LMNTD2: variants seen among roughly 807,000 people sequenced by gnomAD.
LMNTD2 encodes lamin tail domain containing 2.
Under a neutral mutation model 70.1 loss-of-function variants are expected in LMNTD2, and 83 were observed. The ratio of observed to expected loss-of-function variants is 1.18; its 90% CI spans 0.99 to 1.42. The LOEUF is 1.42. LMNTD2 is among the 40% of genes most tolerant of loss of function. LMNTD2 has a pLI of 0.00. For synonymous variants in LMNTD2, 534 were observed against 406.1 expected, an observed-to-expected ratio of 1.31 and a Z score of -3.79; for missense variants, 1,153 against 905.9, an observed-to-expected ratio of 1.27 and a Z score of -3.50.
At chr11:555,170 A>AGAGGAGGAGAGGGGAGGGGC in intron 13 of LMNTD2, 59 bp from the exon 14 acceptor site, 1 of 202,116 alleles carries the variant, frequency 4.9e-6, no homozygotes, top group South Asian at 2.2e-4. Flanking sequence ...AGGGGAGGGG[A>AGAGGAGGAGAGGGGAGGGGC]GGGGAGGAGA....
chr11:558,785 C>T lies in LMNTD2; in HGVS notation c.159-19G>A. ...AGCCAACCTGCAGCGGCAGCAGACC[C>T]TGCTGCTTACTCAGGCCGGCCCCTG... On this transcript the variant is annotated intron_variant, in intron 2 of 13. Coordinates refer to ENST00000329451, the MANE Select transcript of LMNTD2 (RefSeq NM_173573.3). The T allele has an allele frequency of 6.2e-7, 1 of 1,601,110 alleles. No homozygotes were observed. Among genetic ancestry groups the T allele is most frequent in the Non-Finnish European group, 8.5e-7 (1 of 1,170,970 alleles).
chr11:557,065 CCT>C lies in LMNTD2; in HGVS notation c.744_745del (p.Gly249GlufsTer33), dbSNP rs749638605. On this transcript the variant is annotated frameshift_variant, in exon 8 of 14. Coordinates refer to ENST00000329451, the MANE Select transcript of LMNTD2 (RefSeq NM_173573.3). LOFTEE classifies it high-confidence loss of function. ...ATGCTTTCCAGAGGACTCTGGGCTC[CCT>C]GTGTCCAGCTGTGGCCAGGGCCGGG... 2.4e-5 allele frequency: 39 copies of C among 1,606,228 alleles called. No homozygotes were observed. The highest frequency in any genetic ancestry group is 8.4e-5 in the Admixed American group (5 of 59,540).
Position 555,314 on chromosome 11 carries a change from G to A in LMNTD2, c.1764C>T (p.His588=). The change falls in exon 13 of 14, where the codon CAC becomes CAT. Residue 588 remains histidine (H), a synonymous_variant. Coordinates refer to ENST00000329451, the MANE Select transcript of LMNTD2 (RefSeq NM_173573.3). Reference sequence around the variant, plus strand: ...GCAAGCGCGCACTCACCCGAACTCGGTGTTCTTTCTGGAGCCGACAGTCCT... The same window carrying A: ...GCAAGCGCGCACTCACCCGAACTCGATGTTCTTTCTGGAGCCGACAGTCCT... ...GLEDCRLQKE[H]RVRVCRKSVD... 7.0e-7 allele frequency: 1 copy of A among 1,419,084 alleles called. No individual in the cohort carries two copies. Among genetic ancestry groups the A allele is most frequent in the African/African-American group, 1.5e-5 (1 of 66,518 alleles). 87.9% of individuals were successfully genotyped at this position (1,419,084 alleles called of 1,614,324 possible). A position where few individuals can be genotyped will look rare whatever the true frequency, so the allele number is the denominator to read the frequency against.
rs767282735 is a variant in LMNTD2 at position 556,031 on chromosome 11, C to G, written c.1342G>C (p.Gly448Arg). The G allele has an allele frequency of 3.2e-6, 5 of 1,556,608 alleles. No homozygotes were observed. Among genetic ancestry groups the G allele is most frequent in the Admixed American group, 3.6e-5 (2 of 55,422 alleles). Residue 448 changes from glycine to arginine, a missense_variant, in exon 11 of 14, where the codon GGC becomes CGC. Transcript: ENST00000329451. ...REPVPLLSIR[G>R]CATLLLSPKG... ...GGGCTCAGGAGCAGCGTCGCGCAGC[C>G]GCGGATGGAGAGGAGGGGAACGGGC...
chr11:555,353 G>A lies in LMNTD2; in HGVS notation c.1725C>T (p.Ala575=). Residue 575 remains alanine, a synonymous_variant, in exon 13 of 14, where the codon GCC becomes GCT. Coordinates refer to ENST00000329451, the MANE Select transcript of LMNTD2 (RefSeq NM_173573.3). ...GCCGACAGTCCTCCAGGCCCAGCCC[G>A]GCCTCTGCGGGAGGCGACGGCAGGG... ...DPTLPSPPAE[A]GLGLEDCRLQ... is the part of the protein sequence containing the mutation. 1 of 1,422,864 alleles carries A rather than the reference G, an allele frequency of 7.0e-7. No individual in the cohort carries two copies. Among genetic ancestry groups the A allele is most frequent in the Non-Finnish European group, 9.2e-7 (1 of 1,091,418 alleles). 88.1% of individuals were successfully genotyped at this position (1,422,864 alleles called of 1,614,324 possible).
chr11:556,078 A>C lies in LMNTD2; in HGVS notation c.1295T>G (p.Leu432Arg). 6.5e-7 allele frequency: 1 copy of C among 1,541,376 alleles called. No homozygotes were observed. The highest frequency in any genetic ancestry group is 2.6e-5 in the East Asian group (1 of 37,838). Residue 432 changes from leucine to arginine, a missense_variant, in exon 11 of 14, where the codon CTG becomes CGG. Leu to Arg is a moderately radical substitution (Grantham distance 102). Transcript: ENST00000329451. Reference sequence around the variant, plus strand: ...GGGCTCCCGGCTCGAGGACGCGCGCAGCGGCTTCTTGGCGCTGCGGGTCGC... The same window carrying C: ...GGGCTCCCGGCTCGAGGACGCGCGCCGCGGCTTCTTGGCGCTGCGGGTCGC... ...GEATRSAKKP[L>R]RASSSREPVP...
chr11:555,893 G>A lies in LMNTD2; in HGVS notation c.1415C>T (p.Pro472Leu), dbSNP rs754499209. The change falls in exon 12 of 14, where the codon CCG (proline) becomes CTG (leucine). Residue 472 changes from proline to leucine, a missense_variant. Transcript: ENST00000329451. ...GCCGTCGGCGAAGACCCTCGGGGCCGGAGTCTCGCGGCGTGGGATCCGGTG... is the reference window on the plus strand; with the variant it reads ...GCCGTCGGCGAAGACCCTCGGGGCCAGAGTCTCGCGGCGTGGGATCCGGTG... Reference protein sequence around the residue: ...SEHRIPRRETPAPRVFADGTD... With the variant: ...SEHRIPRRETLAPRVFADGTD... 15 of 1,566,208 alleles carry A rather than the reference G, an allele frequency of 9.6e-6. No individual in the cohort carries two copies. The Admixed American group carries it at 2.6e-4, about 27-fold the overall frequency.
chr11:558,318 G>T, intron 3 of LMNTD2, 70 bp from the exon 4 acceptor site: 1 of 1,518,912 alleles, frequency 6.6e-7, no homozygotes, highest in Non-Finnish European at 9.0e-7. Flanking sequence ...GGTCAGTGGC[G>T]AAGGAGGGGA....
At position 560,735 on chromosome 11, in the gene LMNTD2, A is replaced by G; in HGVS notation, c.-19T>C. On this transcript the variant is annotated 5_prime_UTR_variant, in exon 1 of 14. Coordinates refer to ENST00000329451, the MANE Select transcript of LMNTD2 (RefSeq NM_173573.3). ...ACCGCATTTCCGCGTTTTTCGCGGT[A>G]GGCGGGAGGTGGGGGCGGGGACTGC... The G allele has an allele frequency of 7.2e-7, 1 of 1,391,422 alleles. No homozygotes were observed. Among genetic ancestry groups the G allele is most frequent in the Non-Finnish European group, 9.4e-7 (1 of 1,063,970 alleles). The allele number at this position is 1,391,422 out of a possible 1,614,324, so 86.2% of individuals were successfully genotyped here.
rs1393110605 is a variant in LMNTD2, at chr11:555,042, T to G, written c.1843A>C (p.Arg615=). ...ALSVQNTAES[R]FGFRFLSCLP... Reference sequence around the variant, plus strand: ...CAGCTGAGGAAGCGGAAGCCGAATCTGCTCTCCGCCGTGTTCTGCACCGAC... The same window carrying G: ...CAGCTGAGGAAGCGGAAGCCGAATCGGCTCTCCGCCGTGTTCTGCACCGAC... The change falls in exon 14 of 14, where the codon AGA becomes CGA. Residue 615 remains arginine (R), a synonymous_variant. Transcript: ENST00000329451. 6.3e-7 allele frequency: 1 copy of G among 1,593,440 alleles called. No individual in the cohort carries two copies. The highest frequency in any genetic ancestry group is 8.5e-7 in the Non-Finnish European group (1 of 1,173,102).
In LMNTD2 at chr11:555,018, A is replaced by T. The variant is rs1211481748; in HGVS notation, c.1867T>A (p.Cys623Ser). Residue 623 changes from cysteine to serine, a missense_variant, in exon 14 of 14, where the codon TGC (cysteine) becomes AGC (serine). Physicochemically the swap from Cys to Ser is moderately radical, Grantham distance 112. Coordinates refer to ENST00000329451, the MANE Select transcript of LMNTD2 (RefSeq NM_173573.3). ...ESRFGFRFLS[C>S]LPVTADTCRG... Reference sequence around the variant, plus strand: ...CAGGTGTCCGCGGTGACCGGCAGGCAGCTGAGGAAGCGGAAGCCGAATCTG... The same window carrying T: ...CAGGTGTCCGCGGTGACCGGCAGGCTGCTGAGGAAGCGGAAGCCGAATCTG... The T allele has an allele frequency of 6.3e-7, 1 of 1,592,146 alleles. No individual in the cohort carries two copies. Among genetic ancestry groups the T allele is most frequent in the African/African-American group, 1.4e-5 (1 of 72,176 alleles).
In LMNTD2 at chr11:556,589, C is replaced by T. The variant is rs763361454; in HGVS notation, c.977-1G>A. 6.6e-7 allele frequency: 1 copy of T among 1,526,020 alleles called. No individual in the cohort carries two copies. Among genetic ancestry groups the T allele is most frequent in the Non-Finnish European group, 8.8e-7 (1 of 1,137,334 alleles). 94.5% of individuals were successfully genotyped at this position (1,526,020 alleles called of 1,614,324 possible). A position where few individuals can be genotyped will look rare whatever the true frequency, so the allele number is the denominator to read the frequency against. ...CTGGGTGAGTGGGTTTTCTGGAGAT[C>T]TAGAGAGAGCAGCGCTTTTGGGGAG... On this transcript the variant is annotated splice_acceptor_variant, in intron 8 of 13. Coordinates refer to ENST00000329451, the MANE Select transcript of LMNTD2 (RefSeq NM_173573.3). LOFTEE classifies it high-confidence loss of function.
chr11:554,994 A>C lies in LMNTD2; in HGVS notation c.1891T>G (p.Cys631Gly). The C allele has an allele frequency of 6.3e-7, 1 of 1,586,036 alleles. No individual in the cohort carries two copies. The highest frequency in any genetic ancestry group is 8.5e-7 in the Non-Finnish European group (1 of 1,170,050). The stretch of plus-strand genomic sequence containing the variant: ...CTCCTCCGCCCCTAGGCGCCGCGGC[A>C]GGTGTCCGCGGTGACCGGCAGGCAG... ...LSCLPVTADTCRGA is the reference protein window; with the variant it reads ...LSCLPVTADTGRGA The change falls in exon 14 of 14, where the codon TGC becomes GGC. Residue 631 changes from cysteine to glycine, a missense_variant. Transcript: ENST00000329451.
chr11:560,620 G>A (rs1408690579), intron 1 of LMNTD2, 63 bp downstream of exon 1: 4 of 1,327,162 alleles, frequency 3.0e-6, no homozygotes, highest in Non-Finnish European at 2.9e-6. Flanking sequence ...CTTCCTGGGC[G>A]GGAACCCGCC....
intron 3 of LMNTD2, 74 bp from the exon 4 acceptor site, chr11:558,322 G>A (rs548928433): frequency 3.3e-6 from 5 of 1,508,400 alleles, no homozygotes; most frequent in Admixed American, 3.7e-5. Flanking sequence ...AGTGGCGAAG[G>A]AGGGGAGAAG....
intron 1 of LMNTD2, chr11:559,603 G>A (rs1853152039): frequency 2.5e-6 from 3 of 1,184,866 alleles, no homozygotes; most frequent in Non-Finnish European, 3.2e-6. Context: ...TAGCCTGGCA[G>A]CAGCAGCGGG....
intron 1 of LMNTD2, chr11:559,622 G>A: frequency 8.4e-7 from 1 of 1,183,932 alleles, no homozygotes; most frequent in Non-Finnish European, 1.1e-6. Context: ...GGATAAATAG[G>A]GGGGCACTGC....
Position 557,584 on chromosome 11 carries a change from G to T in LMNTD2, c.612C>A (p.Ala204=). 6.2e-7 allele frequency: 1 copy of T among 1,613,332 alleles called. No homozygotes were observed. The highest frequency in any genetic ancestry group is 1.3e-5 in the African/African-American group (1 of 75,018). The change falls in exon 6 of 14, where the codon GCC becomes GCA. Residue 204 remains alanine (A), a synonymous_variant. Coordinates refer to ENST00000329451, the MANE Select transcript of LMNTD2 (RefSeq NM_173573.3). ...DPSDLSENIQ[A]PTGEGFRLED... ...AGGCCTAGCTCACCTCCCCGGTGGG[G>T]GCCTGAATGTTTTCAGAGAGGTCGC...
intron 12 of LMNTD2, 85 bp from the exon 13 acceptor site, chr11:555,588 C>T: frequency 7.8e-7 from 1 of 1,280,568 alleles, no homozygotes; most frequent in Non-Finnish European, 1.0e-6. Context: ...GGGCAGGGGC[C>T]GCGGGGCGTA....
Sources: allele counts gnomAD v4.1 joint callset, GRCh38; gene constraint gnomAD v4.1.1; transcripts MANE v1.5; gene names NCBI Gene and HGNC (gene_info 2026-07-23, HGNC 2026-07-21).